LRCH1: variants seen among roughly 807,000 people sequenced by gnomAD.
The protein encoded by LRCH1 is leucine-rich repeat and calponin homology domain-containing protein 1.
LRCH1 carries 23 observed loss-of-function variants against 94.9 expected under a neutral mutation model. The ratio of observed to expected loss-of-function variants is 0.24; its 90% CI spans 0.17 to 0.34. LRCH1 has a LOEUF of 0.34. Ranked by LOEUF, LRCH1 falls within the 10% of genes least tolerant of loss-of-function variation. LRCH1 has a pLI of 1.00. For synonymous variants in LRCH1, 364 were observed against 354.9 expected (o/e 1.03, Z -0.29); for missense variants, 790 against 945.9 (o/e 0.84, Z 2.16).
rs367752968 is a variant in LRCH1 at position 46,553,378 on chromosome 13, T to C, written c.-19T>C. 5.4e-6 allele frequency: 8 copies of C among 1,481,048 alleles called. No homozygotes were observed. Among genetic ancestry groups the C allele is most frequent in the East Asian group, 2.5e-5 (1 of 39,970 alleles). 91.7% of individuals were successfully genotyped at this position (1,481,048 alleles called of 1,614,324 possible). ...CCCCCGCAGGAGCGGCGGGGCGGGGTGGGGGGGCCCGGGAGAAGATGGCGA... is the reference window on the plus strand; with the variant it reads ...CCCCCGCAGGAGCGGCGGGGCGGGGCGGGGGGGCCCGGGAGAAGATGGCGA... On this transcript the variant is annotated 5_prime_UTR_variant, in exon 1 of 20. Transcript: ENST00000389797.
At chr13:46,732,490 A>C (rs1026873456) in intron 18 of LRCH1, among the ~76,000 whole-genome samples, 19 of 152,114 alleles carry the variant, frequency 1.2e-4, no homozygotes, top group African/African-American at 4.1e-4. Context: ...AAAGAGGGAG[A>C]ATTATTTTTC....
intron 15 of LRCH1, among the ~76,000 whole-genome samples, chr13:46,713,746 C>T (rs1375006497): frequency 6.6e-6 from 1 of 152,194 alleles, no homozygotes; most frequent in Non-Finnish European, 1.5e-5. Context: ...AGGCCCTTGG[C>T]TGGGTTTTCC....
At chr13:46,689,920 A>T (rs1462624481) in intron 7 of LRCH1, among the ~76,000 whole-genome samples, 2 of 152,120 alleles carry the variant, frequency 1.3e-5, no homozygotes, top group Non-Finnish European at 2.9e-5. Context: ...TCTAGAAAGG[A>T]GTGGTAGGAA....
chr13:46,702,792 A>C (rs1420266551), intron 11 of LRCH1, among the ~76,000 whole-genome samples: 1 of 152,204 alleles, frequency 6.6e-6, no homozygotes, highest in Admixed American at 6.5e-5. Context: ...TCTCCATCCT[A>C]GTGTGCTTCA....
At chr13:46,676,086 C>T (rs1387400984) in intron 3 of LRCH1, among the ~76,000 whole-genome samples, 1 of 152,188 alleles carries the variant, frequency 6.6e-6, no homozygotes, top group East Asian at 1.9e-4. Context: ...CATGGTGAAA[C>T]CCTGTCTCTA....
At chr13:46,707,465 G>A (rs1021983320) in intron 13 of LRCH1, among the ~76,000 whole-genome samples, 5 of 152,050 alleles carry the variant, frequency 3.3e-5, no homozygotes, top group South Asian at 2.1e-4. Flanking sequence ...TTTCTCCACC[G>A]TGTAATTGCT....
At chr13:46,712,625 C>G in intron 15 of LRCH1, 28 bp downstream of exon 15, 1 of 1,572,172 alleles carries the variant, frequency 6.4e-7, no homozygotes, top group South Asian at 1.1e-5. Flanking sequence ...CCCATTCTTA[C>G]ACTAAATAAC....
chr13:46,586,526 C>G (rs2050437091), intron 1 of LRCH1, among the ~76,000 whole-genome samples: 1 of 152,172 alleles, frequency 6.6e-6, no homozygotes, highest in South Asian at 2.1e-4. Context: ...AAGGGATCCT[C>G]CCACCTCAGC....
intron 10 of LRCH1, among the ~76,000 whole-genome samples, chr13:46,700,785 C>A (rs1871423398): frequency 6.6e-6 from 1 of 152,204 alleles, no homozygotes; most frequent in Admixed American, 6.5e-5. Flanking sequence ...GTGATCCCCT[C>A]CATGCAGCCC....
chr13:46,647,967 T>G (rs1447631035), intron 1 of LRCH1, among the ~76,000 whole-genome samples: 2 of 151,832 alleles, frequency 1.3e-5, no homozygotes, highest in Non-Finnish European at 2.9e-5. Context: ...CAGACCGGGG[T>G]GGGGGATGGT....
intron 1 of LRCH1, among the ~76,000 whole-genome samples, chr13:46,556,792 C>T (rs180713693): frequency 2.6e-5 from 4 of 152,260 alleles, no homozygotes; most frequent in African/African-American, 7.2e-5. Flanking sequence ...GAGATAGAAT[C>T]TGGGAGGCTT....
downstream of LRCH1, among the ~76,000 whole-genome samples, chr13:46,746,738 A>C (rs907493979): frequency 6.6e-6 from 1 of 152,166 alleles, no homozygotes; most frequent in Non-Finnish European, 1.5e-5. Flanking sequence ...TTCTCTTCTG[A>C]GTCATTCCTC....
At chr13:46,748,088 ATCT>A (rs1227078968), downstream of LRCH1, among the ~76,000 whole-genome samples, 2 of 152,130 alleles carry the variant, frequency 1.3e-5, no homozygotes, top group African/African-American at 4.8e-5. Flanking sequence ...AGTGTTACTT[ATCT>A]TCTTATTAAT....
At chr13:46,671,977 A>G (rs1052968324) in intron 3 of LRCH1, among the ~76,000 whole-genome samples, 4 of 152,206 alleles carry the variant, frequency 2.6e-5, no homozygotes, top group Non-Finnish European at 5.9e-5. Flanking sequence ...GGTGTTGTAC[A>G]TTCTATCGGT....
chr13:46,640,594 T>G (rs553843709), intron 1 of LRCH1, among the ~76,000 whole-genome samples: 1 of 152,260 alleles, frequency 6.6e-6, no homozygotes, highest in East Asian at 1.9e-4. Flanking sequence ...CAGAGCTCAC[T>G]TACTTTTAGT....
At chr13:46,557,401 T>G (rs1438117003) in intron 1 of LRCH1, among the ~76,000 whole-genome samples, 1 of 150,930 alleles carries the variant, frequency 6.6e-6, no homozygotes, top group African/African-American at 2.4e-5. Flanking sequence ...TCTTTTTGAG[T>G]TGGCTCTAAG....
intron 1 of LRCH1, among the ~76,000 whole-genome samples, chr13:46,627,663 A>T (rs934537905): frequency 6.6e-6 from 1 of 152,170 alleles, no homozygotes; most frequent in Non-Finnish European, 1.5e-5. Context: ...ATCAACAAGG[A>T]TGCTGGGTTC....
chr13:46,619,753 G>A (rs2050859329), intron 1 of LRCH1, among the ~76,000 whole-genome samples: 1 of 152,170 alleles, frequency 6.6e-6, no homozygotes, highest in Non-Finnish European at 1.5e-5. Flanking sequence ...CTGTTGTGGT[G>A]GTTGTTGTTG....
chr13:46,696,500 G>A (rs571342888), intron 9 of LRCH1, among the ~76,000 whole-genome samples: 35 of 152,268 alleles, frequency 2.3e-4, no homozygotes, highest in African/African-American at 8.2e-4. Context: ...TAAGAATAAA[G>A]CGTATTGTTT....
Sources: allele counts gnomAD v4.1 joint callset (sites outside exome capture counted in the v4.1 genomes callset), GRCh38; gene constraint gnomAD v4.1.1; transcripts MANE v1.5; gene names NCBI Gene and HGNC (gene_info 2026-07-23, HGNC 2026-07-21).